Variants in OGDH observed in about 807,000 individuals in gnomAD.
OGDH encodes the protein 2-oxoglutarate dehydrogenase complex component E1.
OGDH carries 38 observed loss-of-function variants against 116.6 expected under a neutral mutation model. The ratio of observed to expected loss-of-function variants is 0.33; its 90% CI spans 0.25 to 0.43. The LOEUF (loss-of-function observed/expected upper bound fraction) is 0.43, where lower values mean the gene tolerates loss of function less well. Ranked by LOEUF, OGDH falls within the 20% of genes least tolerant of loss-of-function variation. The pLI is 1.00. For missense variants in OGDH, 825 were observed against 1,357.2 expected (o/e 0.61, Z 6.16); for synonymous variants, 488 against 533.3 (o/e 0.92, Z 1.17).
chr7:44,620,883 A>G (rs1784983817), intron 1 of OGDH, among the ~76,000 whole-genome samples: 1 of 152,246 alleles, frequency 6.6e-6, no homozygotes, highest in Admixed American at 6.5e-5. Context: ...ACCAAAAATC[A>G]AAACACTTGG....
At chr7:44,669,018 G>A (rs1204009181) in intron 5 of OGDH, among the ~76,000 whole-genome samples, 1 of 151,968 alleles carries the variant, frequency 6.6e-6, no homozygotes, top group Non-Finnish European at 1.5e-5. Context: ...CTGCTCATGT[G>A]TTCCACCCAG....
In OGDH at chr7:44,673,654, C is replaced by A. The variant is rs536086734; in HGVS notation, c.634-133C>A. The stretch of plus-strand genomic sequence containing the variant: ...ACCCACTCCATCCCATCCTCAGTCA[C>A]ACTTGATTGGAGTACATTTCAGAAC... On this transcript the variant is annotated intron_variant, in intron 5 of 22. Coordinates refer to ENST00000222673, the MANE Select transcript of OGDH (RefSeq NM_002541.4). 3 of 860,704 alleles carry A rather than the reference C, an allele frequency of 3.5e-6. No individual in the cohort carries two copies. The Admixed American group carries it at 6.3e-5, about 18-fold the overall frequency. The allele number at this position is 860,704 out of a possible 1,614,324, so 53.3% of individuals were successfully genotyped here.
intron 1 of OGDH, among the ~76,000 whole-genome samples, chr7:44,619,480 A>AATAGACTC (rs1784927221): frequency 6.6e-6 from 1 of 152,220 alleles, no homozygotes; most frequent in African/African-American, 2.4e-5. Flanking sequence ...AGAGCAGAGG[A>AATAGACTC]ATAGACTCAT....
At chr7:44,654,689 G>A (rs1211380912) in intron 4 of OGDH, among the ~76,000 whole-genome samples, 1 of 152,086 alleles carries the variant, frequency 6.6e-6, no homozygotes, top group Non-Finnish European at 1.5e-5. Context: ...TGGGCGATAT[G>A]GTCACCCTCA....
chr7:44,705,539 G>T (rs1367874318), intron 20 of OGDH, among the ~76,000 whole-genome samples: 1 of 152,004 alleles, frequency 6.6e-6, no homozygotes, highest in Non-Finnish European at 1.5e-5. Context: ...AATTTGTTTT[G>T]TTTTTTATTT....
chr7:44,648,488 T>C (rs897705444), intron 4 of OGDH, among the ~76,000 whole-genome samples: 4 of 152,322 alleles, frequency 2.6e-5, no homozygotes, highest in Non-Finnish European at 4.4e-5. Flanking sequence ...GCTGCTAACC[T>C]GTACTAAAGA....
At chr7:44,653,806 G>C (rs550707446) in intron 4 of OGDH, among the ~76,000 whole-genome samples, 3 of 151,308 alleles carry the variant, frequency 2.0e-5, no homozygotes, top group Non-Finnish European at 4.4e-5. Flanking sequence ...GATTACAGGC[G>C]TGAGCCACTG....
chr7:44,700,873 G>A (rs79669925), intron 19 of OGDH, among the ~76,000 whole-genome samples: 2,885 of 152,240 alleles, frequency 0.019, 32 homozygotes, highest in Non-Finnish European at 0.027. Flanking sequence ...AAAATTAGCC[G>A]GGCATGACAG....
intron 2 of OGDH, among the ~76,000 whole-genome samples, chr7:44,633,707 T>A (rs1031126849): frequency 2.0e-5 from 3 of 152,178 alleles, no homozygotes; most frequent in Admixed American, 1.3e-4. Context: ...GAGCAGATGC[T>A]TTGTGTAGCT....
intron 2 of OGDH, among the ~76,000 whole-genome samples, chr7:44,642,104 T>C (rs1405865007): frequency 1.3e-5 from 2 of 151,268 alleles, no homozygotes; most frequent in Admixed American, 1.3e-4. Context: ...TAGCAAACAT[T>C]TTGATAGCAT....
intron 10 of OGDH, among the ~76,000 whole-genome samples, chr7:44,683,257 T>G (rs1480995070): frequency 6.6e-6 from 1 of 152,236 alleles, no homozygotes. Flanking sequence ...TTGAGACCAG[T>G]CTTGCCCCAT....
At chr7:44,618,183 G>A (rs1001206588) in intron 1 of OGDH, among the ~76,000 whole-genome samples, 1 of 151,488 alleles carries the variant, frequency 6.6e-6, no homozygotes, top group African/African-American at 2.4e-5. Context: ...TATCATTTTT[G>A]TGTACAGTGA....
Position 44,645,319 on chromosome 7 carries a change from GT to G in OGDH, c.223-7del. 6.2e-7 allele frequency: 1 copy of G among 1,613,346 alleles called. No individual in the cohort carries two copies. Among genetic ancestry groups the G allele is most frequent in the African/African-American group, 1.3e-5 (1 of 75,046 alleles). On this transcript the variant is annotated splice_region_variant and splice_polypyrimidine_tract_variant and intron_variant, in intron 2 of 22. Coordinates refer to ENST00000222673, the MANE Select transcript of OGDH (RefSeq NM_002541.4). ...AGTGAGGTAACCCTGTACCTTCTTTGTCTTTAGTCATGGGACATTTTTTTTC... is the reference window on the plus strand; with the variant it reads ...AGTGAGGTAACCCTGTACCTTCTTTGCTTTAGTCATGGGACATTTTTTTTC...
intron 1 of OGDH, among the ~76,000 whole-genome samples, chr7:44,620,165 C>T (rs1784954861): frequency 6.6e-6 from 1 of 152,138 alleles, no homozygotes; most frequent in African/African-American, 2.4e-5. Context: ...GGACTACAGG[C>T]ATGCATGACC....
chr7:44,633,215 T>G (rs1785517563), intron 2 of OGDH, among the ~76,000 whole-genome samples: 1 of 135,848 alleles, frequency 7.4e-6, no homozygotes, highest in Non-Finnish European at 1.5e-5. Context: ...ATTGAGCCAC[T>G]GCACTCTAGC....
At chr7:44,616,838 C>T (rs1283032382) in intron 1 of OGDH, among the ~76,000 whole-genome samples, 132 of 123,154 alleles carry the variant, frequency 1.1e-3, no homozygotes, top group African/African-American at 3.8e-3. Context: ...TATATATACA[C>T]ATATACGTGT....
rs1219231672 is a variant in OGDH at position 44,616,870 on chromosome 7, T to C, written c.-27-7447T>C. Reference sequence around the variant, plus strand: ...GTGTATATATATACACATATATATATACGTATATATATATGTATATATGTG... The same window carrying C: ...GTGTATATATATACACATATATATACACGTATATATATATGTATATATGTG... On this transcript the variant is annotated intron_variant, in intron 1 of 22. Coordinates refer to ENST00000222673, the MANE Select transcript of OGDH (RefSeq NM_002541.4). 4.8e-4 allele frequency among the ~76,000 whole-genome samples: 42 copies of C among 88,070 alleles called. 1 individual carries two copies. Among genetic ancestry groups the C allele is most frequent in the Admixed American group, 2.4e-3 (21 of 8,676 alleles). 57.8% of individuals were successfully genotyped at this position (88,070 alleles called of 152,430 possible).
intron 10 of OGDH, among the ~76,000 whole-genome samples, chr7:44,684,577 G>A (rs537239709): frequency 6.6e-6 from 1 of 152,114 alleles, no homozygotes; most frequent in Admixed American, 6.6e-5. Context: ...TAATTTGTAG[G>A]GTAGTTACCC....
intron 4 of OGDH, among the ~76,000 whole-genome samples, chr7:44,663,705 C>T (rs946437597): frequency 6.6e-6 from 1 of 152,112 alleles, no homozygotes; most frequent in Non-Finnish European, 1.5e-5. Context: ...GCCCGAGAGG[C>T]GGAAGTTGCA....
Sources: gnomAD v4.1 joint callset for allele counts (sites outside exome capture counted in the v4.1 genomes callset) on GRCh38, gnomAD v4.1.1 for gene constraint, MANE v1.5 for transcripts, NCBI Gene and HGNC (gene_info 2026-07-23, HGNC 2026-07-21) for gene names.